Variants in ANKRD30B observed in about 807,000 individuals in gnomAD.
The protein encoded by ANKRD30B is ankyrin repeat domain 30B.
Under a neutral mutation model 202.2 loss-of-function variants are expected in ANKRD30B, and 144 were observed. That is an observed-to-expected ratio of 0.71 (90% confidence interval 0.62 to 0.82). ANKRD30B has a LOEUF of 0.82. ANKRD30B is among the 40% of genes least tolerant of loss of function. ANKRD30B has a pLI of 0.00. For synonymous variants in ANKRD30B, 508 were observed against 561.3 expected, an observed-to-expected ratio of 0.91 and a Z score of 1.34; for missense variants, 1,487 against 1,669.1, an observed-to-expected ratio of 0.89 and a Z score of 1.90.
chr18:14,882,851 A>T, the ANKRD30B span, among the ~76,000 whole-genome samples: 2 of 152,144 alleles, frequency 1.3e-5, no homozygotes, highest in Non-Finnish European at 2.9e-5. Context: ...CTTTACCATT[A>T]TATACTGCCT....
chr18:14,790,724 A>G (rs1968435664), intron 15 of ANKRD30B, among the ~76,000 whole-genome samples: 2 of 152,110 alleles, frequency 1.3e-5, no homozygotes, highest in African/African-American at 4.8e-5. Flanking sequence ...CCAGCCTTGC[A>G]TCCCAGGGAT....
At chr18:14,764,571 T>C (rs1056778663) in intron 7 of ANKRD30B, among the ~76,000 whole-genome samples, 3 of 151,922 alleles carry the variant, frequency 2.0e-5, no homozygotes, top group African/African-American at 7.3e-5. Context: ...TTTTTTGTAT[T>C]TTTAGTAGAG....
At position 14,772,239 on chromosome 18, in the gene ANKRD30B, CT is replaced by C. The variant is rs530451653; in HGVS notation, c.1329+15del. On this transcript the variant is annotated intron_variant, in intron 9 of 43. Transcript: ENST00000690538. ...AATCTTGCTACCAAGGTAAAATGTT[CT>C]TTTGTGAAGTTGATTTTCTCAGTTG... 14 of 1,470,422 alleles carry C rather than the reference CT, an allele frequency of 9.5e-6. No individual in the cohort carries two copies. In the Admixed American group the frequency reaches 2.4e-4, roughly 26 times the overall value. 91.1% of individuals were successfully genotyped at this position (1,470,422 alleles called of 1,614,324 possible). A position where few individuals can be genotyped will look rare whatever the true frequency, so the allele number is the denominator to read the frequency against.
intron 7 of ANKRD30B, among the ~76,000 whole-genome samples, chr18:14,765,978 C>T (rs1172024331): frequency 6.6e-6 from 1 of 151,906 alleles, no homozygotes; most frequent in African/African-American, 2.4e-5. Flanking sequence ...GTTAAGGGGC[C>T]ATGTCTAAGT....
At chr18:14,882,917 A>G in the ANKRD30B span, among the ~76,000 whole-genome samples, 1 of 152,196 alleles carries the variant, frequency 6.6e-6, no homozygotes, top group African/African-American at 2.4e-5. Context: ...TCATATGAGA[A>G]TAGCTACTGC....
chr18:14,752,288 T>A (rs1684407005), intron 1 of ANKRD30B, among the ~76,000 whole-genome samples: 1 of 152,070 alleles, frequency 6.6e-6, no homozygotes, highest in Non-Finnish European at 1.5e-5. Context: ...GTGCAGAAAG[T>A]TTAAGTGACA....
intron 34 of ANKRD30B, among the ~76,000 whole-genome samples, chr18:14,834,806 C>T (rs1971101946): frequency 6.6e-6 from 1 of 151,780 alleles, no homozygotes; most frequent in Non-Finnish European, 1.5e-5. Context: ...TATAGTGTGT[C>T]AACAAAAAAA....
intron 8 of ANKRD30B, among the ~76,000 whole-genome samples, chr18:14,770,886 C>A (rs1291307311): frequency 6.6e-6 from 1 of 151,884 alleles, no homozygotes. Context: ...GTTCTTTCAC[C>A]CCAAATCTCA....
the ANKRD30B span, among the ~76,000 whole-genome samples, chr18:14,887,937 G>A: frequency 6.6e-6 from 1 of 151,740 alleles, no homozygotes; most frequent in Non-Finnish European, 1.5e-5. Flanking sequence ...TTACTTTGAG[G>A]AATTATAAAA....
At chr18:14,872,580 C>T in the ANKRD30B span, among the ~76,000 whole-genome samples, 2 of 152,094 alleles carry the variant, frequency 1.3e-5, no homozygotes, top group Non-Finnish European at 2.9e-5. Flanking sequence ...CAGTCTCCTG[C>T]TTGGTTCTCT....
chr18:14,858,729 G>C (rs566633740), downstream of ANKRD30B, among the ~76,000 whole-genome samples: 142 of 146,086 alleles, frequency 9.7e-4, no homozygotes, highest in African/African-American at 3.4e-3. Context: ...CAGACGGGGC[G>C]GCTGGGCAGA....
At chr18:14,786,137 T>C (rs1362383557) in intron 14 of ANKRD30B, among the ~76,000 whole-genome samples, 2 of 152,116 alleles carry the variant, frequency 1.3e-5, no homozygotes, top group Non-Finnish European at 2.9e-5. Flanking sequence ...TCTTTTAACT[T>C]TTAGTTGTGC....
intron 16 of ANKRD30B, among the ~76,000 whole-genome samples, chr18:14,793,259 A>G (rs1968645029): frequency 6.6e-6 from 1 of 152,120 alleles, no homozygotes; most frequent in Non-Finnish European, 1.5e-5. Flanking sequence ...TGAGATGTCA[A>G]ATCTACATTC....
the ANKRD30B span, among the ~76,000 whole-genome samples, chr18:14,924,583 C>T: frequency 3.5e-4 from 53 of 152,336 alleles, no homozygotes; most frequent in African/African-American, 1.3e-3. Context: ...AGAGATACAG[C>T]AGAGCCGGGG....
chr18:14,750,266 G>A (rs1289783843), intron 1 of ANKRD30B, among the ~76,000 whole-genome samples: 1 of 151,994 alleles, frequency 6.6e-6, no homozygotes, highest in Non-Finnish European at 1.5e-5. Context: ...TTAAAATTGG[G>A]CAATTTAAGT....
In ANKRD30B at chr18:14,769,357, G is replaced by A. The variant is rs1470002539; in HGVS notation, c.1240G>A (p.Val414Ile). The change falls in exon 8 of 44, where the codon GTA (valine) becomes ATA (isoleucine). Residue 414 changes from valine to isoleucine, a missense_variant. Coordinates refer to ENST00000690538, the MANE Select transcript of ANKRD30B (RefSeq NM_001367607.2). ...TTCTTTAATAGTGGATGTGAGTTCTGTAGAGCCTATATTCAGGTAAGACTT... is the reference window on the plus strand; with the variant it reads ...TTCTTTAATAGTGGATGTGAGTTCTATAGAGCCTATATTCAGGTAAGACTT... ...KASTNVDVSS[V>I]EPIFSLFGTR... The A allele has an allele frequency of 6.5e-7, 1 of 1,544,206 alleles. No homozygotes were observed. The highest frequency in any genetic ancestry group is 8.7e-7 in the Non-Finnish European group (1 of 1,143,232).
chr18:14,809,494 A>T lies in ANKRD30B; in HGVS notation c.2387-492A>T, dbSNP rs899000367. Among the ~76,000 whole-genome samples the T allele has an allele frequency of 3.3e-5, 5 of 150,806 alleles. 1 individual carries two copies. The highest frequency in any genetic ancestry group is 7.4e-5 in the African/African-American group (3 of 40,738). On this transcript the variant is annotated intron_variant, in intron 26 of 43. Coordinates refer to ENST00000690538, the MANE Select transcript of ANKRD30B (RefSeq NM_001367607.2). The stretch of plus-strand genomic sequence containing the variant: ...AGAGGCCTAGAAGAGCCATGGCGAG[A>T]TGAGGGCGTTCATAGCACTATCTTA...
intron 11 of ANKRD30B, among the ~76,000 whole-genome samples, chr18:14,781,646 G>A (rs1229587146): frequency 1.3e-5 from 2 of 152,196 alleles, no homozygotes; most frequent in East Asian, 3.8e-4. Context: ...CCAGCTGCAG[G>A]GAGTCTGTCC....
the ANKRD30B span, among the ~76,000 whole-genome samples, chr18:14,873,825 G>A: frequency 6.6e-6 from 1 of 152,154 alleles, no homozygotes; most frequent in Admixed American, 6.5e-5. Flanking sequence ...AGAGGAGTTA[G>A]CAAGTAGCAG....
Sources: gnomAD v4.1 joint callset for allele counts (sites outside exome capture counted in the v4.1 genomes callset) on GRCh38, gnomAD v4.1.1 for gene constraint, MANE v1.5 for transcripts, NCBI Gene and HGNC (gene_info 2026-07-23, HGNC 2026-07-21) for gene names.